Variants in NCOA2 observed in about 807,000 individuals in gnomAD.
NCOA2 encodes the protein nuclear receptor coactivator 2.
In NCOA2, 21 loss-of-function variants were observed where a neutral mutation model predicts 145.1. That is an observed-to-expected ratio of 0.14 (90% CI 0.10 to 0.21). The LOEUF is 0.21. Among genes scored for constraint, NCOA2 ranks in the 10% least tolerant of loss-of-function variants. The pLI is 1.00. For synonymous variants in NCOA2, 619 were observed against 637.5 expected (o/e 0.97, Z 0.44); for missense variants, 1,472 against 1,837.6 (o/e 0.80, Z 3.64).
chr8:70,446,378 T>C, the NCOA2 span, among the ~76,000 whole-genome samples: 1 of 152,172 alleles, frequency 6.6e-6, no homozygotes, highest in East Asian at 1.9e-4. Context: ...TGTGGAAGAA[T>C]ATAGGATTAC....
At position 70,121,489 on chromosome 8, in the gene NCOA2, T is replaced by G. The variant is rs975247964; in HGVS notation, c.4294-98A>C. ...GCCGCCCTTCCTCTGTTTTTAGGGGTGTAAAAACGGGGAAAAGGAACTGCA... is the reference window on the plus strand; with the variant it reads ...GCCGCCCTTCCTCTGTTTTTAGGGGGGTAAAAACGGGGAAAAGGAACTGCA... On this transcript the variant is annotated intron_variant, in intron 21 of 22. Coordinates refer to ENST00000452400, the MANE Select transcript of NCOA2 (RefSeq NM_006540.4). The G allele has an allele frequency of 1.7e-5, 15 of 875,266 alleles. No individual in the cohort carries two copies. In the African/African-American group the frequency reaches 2.5e-4, roughly 15 times the overall value. The allele number at this position is 875,266 out of a possible 1,614,324, so 54.2% of individuals were successfully genotyped here.
intron 4 of NCOA2, among the ~76,000 whole-genome samples, chr8:70,197,521 C>A (rs933449596): frequency 6.6e-6 from 1 of 152,216 alleles, no homozygotes; most frequent in Non-Finnish European, 1.5e-5. Context: ...AGCCCCACAA[C>A]GACAGGGACA....
chr8:70,334,534 C>A (rs1346395375), intron 1 of NCOA2, among the ~76,000 whole-genome samples: 1 of 152,178 alleles, frequency 6.6e-6, no homozygotes, highest in Non-Finnish European at 1.5e-5. Flanking sequence ...GCATATCACT[C>A]GACTCTCTGT....
chr8:70,226,679 T>A (rs12547051), intron 2 of NCOA2, among the ~76,000 whole-genome samples: 12,225 of 137,898 alleles, frequency 0.089, 571 homozygotes, highest in Admixed American at 0.13. Flanking sequence ...TATATATATA[T>A]AAAACTATAC....
intron 10 of NCOA2, among the ~76,000 whole-genome samples, chr8:70,158,032 A>T (rs1365447916): frequency 6.6e-6 from 1 of 152,242 alleles, no homozygotes; most frequent in African/African-American, 2.4e-5. Flanking sequence ...CTTGGCAGTC[A>T]CTTTTGAGTT....
At chr8:70,390,345 A>G (rs1201005149) in intron 1 of NCOA2, among the ~76,000 whole-genome samples, 1 of 152,188 alleles carries the variant, frequency 6.6e-6, no homozygotes, top group African/African-American at 2.4e-5. Context: ...CCAAAGCTTA[A>G]AAGTTTCAAG....
At chr8:70,155,731 G>A (rs1483018390) in intron 11 of NCOA2, among the ~76,000 whole-genome samples, 1 of 152,166 alleles carries the variant, frequency 6.6e-6, no homozygotes, top group Non-Finnish European at 1.5e-5. Context: ...GGCCTGCAAA[G>A]CCTAAAATAC....
chr8:70,327,957 C>G (rs1047589205), intron 1 of NCOA2, among the ~76,000 whole-genome samples: 1 of 152,130 alleles, frequency 6.6e-6, no homozygotes, highest in Non-Finnish European at 1.5e-5. Context: ...CAAAGATTGT[C>G]ATTAACCTTA....
chr8:70,358,871 C>T (rs113377865), intron 1 of NCOA2, among the ~76,000 whole-genome samples: 19 of 152,206 alleles, frequency 1.2e-4, no homozygotes, highest in African/African-American at 4.6e-4. Context: ...TAAAGAACTA[C>T]TGCAACTCAG....
intron 2 of NCOA2, among the ~76,000 whole-genome samples, chr8:70,284,974 T>G (rs1826138543): frequency 6.6e-6 from 1 of 152,102 alleles, no homozygotes; most frequent in African/African-American, 2.4e-5. Context: ...TAGACTCAAG[T>G]TGGTATCAAG....
chr8:70,337,582 G>T (rs1807727752), intron 1 of NCOA2, among the ~76,000 whole-genome samples: 1 of 152,088 alleles, frequency 6.6e-6, no homozygotes, highest in South Asian at 2.1e-4. Flanking sequence ...TCACAGTGTT[G>T]CTCTCAGGTT....
At chr8:70,169,657 A>ATT (rs1417531046) in intron 6 of NCOA2, among the ~76,000 whole-genome samples, 1 of 152,226 alleles carries the variant, frequency 6.6e-6, no homozygotes, top group Non-Finnish European at 1.5e-5. Flanking sequence ...GCTCAAGGGG[A>ATT]TAAATACCCC....
intron 2 of NCOA2, among the ~76,000 whole-genome samples, chr8:70,272,543 A>T (rs1475205727): frequency 2.6e-5 from 4 of 152,148 alleles, no homozygotes; most frequent in Non-Finnish European, 5.9e-5. Context: ...CAGTCTCTTA[A>T]CTGATTGGTC....
rs370727326 is a variant in NCOA2, at chr8:70,156,258, A to T, written c.2107T>A (p.Leu703Met). 6.2e-7 allele frequency: 1 copy of T among 1,613,938 alleles called. No individual in the cohort carries two copies. Residue 703 changes from leucine to methionine, a missense_variant, in exon 11 of 23, where the codon TTG becomes ATG. Transcript: ENST00000452400. ...LLQDSSSPVD[L>M]AKLTAEATGK... ...GTGGCTTCTGCTGTTAACTTGGCCA[A>T]GTCCACAGGGGAACTGCTGTCCTGC... is the stretch of plus-strand genomic sequence containing the variant.
chr8:70,249,851 C>T (rs527587074), intron 2 of NCOA2, among the ~76,000 whole-genome samples: 1 of 150,676 alleles, frequency 6.6e-6, no homozygotes, highest in African/African-American at 2.4e-5. Context: ...GTAGTCCCAG[C>T]TACTCGGAGG....
intron 1 of NCOA2, among the ~76,000 whole-genome samples, chr8:70,366,258 T>TG (rs1446854036): frequency 6.6e-6 from 1 of 152,058 alleles, no homozygotes; most frequent in Non-Finnish European, 1.5e-5. Flanking sequence ...AAGTGAAGTA[T>TG]GTGGATTTGA....
the NCOA2 span, among the ~76,000 whole-genome samples, chr8:70,413,828 G>GTTTGT: frequency 3.3e-5 from 5 of 152,090 alleles, no homozygotes; most frequent in Admixed American, 1.3e-4. Flanking sequence ...CCCCTGGGTT[G>GTTTGT]TTTGTTTTGT....
At chr8:70,422,242 G>A in the NCOA2 span, among the ~76,000 whole-genome samples, 1 of 152,110 alleles carries the variant, frequency 6.6e-6, no homozygotes, top group Non-Finnish European at 1.5e-5. Flanking sequence ...TTAAACTAGT[G>A]CTTCTTGCAA....
chr8:70,198,444 TGGGAA>T (rs1329886158), intron 4 of NCOA2, among the ~76,000 whole-genome samples: 2 of 152,168 alleles, frequency 1.3e-5, no homozygotes, highest in Non-Finnish European at 2.9e-5. Flanking sequence ...TTGAATACCA[TGGGAA>T]GGCATTTTCC....
Sources: allele counts gnomAD v4.1 joint callset (sites outside exome capture counted in the v4.1 genomes callset), GRCh38; gene constraint gnomAD v4.1.1; transcripts MANE v1.5; gene names NCBI Gene and HGNC (gene_info 2026-07-23, HGNC 2026-07-21).